The following PKNOX2 variants were observed in gnomAD, a reference collection of about 807,000 sequenced individuals.
PKNOX2 encodes PBX/knotted 1 homeobox 2, also known as homeobox protein PKNOX2.
A neutral mutation model predicts 53.1 loss-of-function variants in PKNOX2; 14 were observed. The ratio of observed to expected loss-of-function variants is 0.26; its 90% CI spans 0.17 to 0.41. The LOEUF is 0.41. Ranked by LOEUF, PKNOX2 falls within the 10% of genes least tolerant of loss-of-function variation. PKNOX2 has a pLI of 1.00. For missense variants in PKNOX2, 496 were observed against 602.8 expected, an observed-to-expected ratio of 0.82 and a Z score of 1.85; for synonymous variants, 257 against 242.8, an observed-to-expected ratio of 1.06 and a Z score of -0.54.
chr11:125,205,309 C>T (rs599943), intron 1 of PKNOX2, among the ~76,000 whole-genome samples: 72,908 of 151,736 alleles, frequency 0.48, 17,968 homozygotes, highest in African/African-American at 0.56. Context: ...GGGTGGGGAG[C>T]GGGGGAGAGC....
intron 3 of PKNOX2, among the ~76,000 whole-genome samples, chr11:125,342,351 G>A (rs1008412111): frequency 2.6e-5 from 4 of 152,050 alleles, no homozygotes; most frequent in Non-Finnish European, 2.9e-5. Context: ...TCGCCTCCAT[G>A]CCCTCCTTCC....
At chr11:125,324,484 G>C (rs1420063641) in intron 2 of PKNOX2, among the ~76,000 whole-genome samples, 1 of 152,100 alleles carries the variant, frequency 6.6e-6, no homozygotes, top group Non-Finnish European at 1.5e-5. Context: ...TTAGGCTCTG[G>C]GGAGCTCTAT....
chr11:125,369,274 C>G (rs547075191), intron 5 of PKNOX2, among the ~76,000 whole-genome samples: 2 of 152,238 alleles, frequency 1.3e-5, no homozygotes, highest in African/African-American at 4.8e-5. Context: ...CTGTGCCCTG[C>G]CCTGTGAAAC....
intron 2 of PKNOX2, among the ~76,000 whole-genome samples, chr11:125,249,057 AATAT>A (rs1348043427): frequency 9.1e-6 from 1 of 109,470 alleles, no homozygotes; most frequent in Non-Finnish European, 2.0e-5. Flanking sequence ...TATTATATAT[AATAT>A]ATATAACACA....
intron 4 of PKNOX2, among the ~76,000 whole-genome samples, chr11:125,362,632 G>A (rs1007052781): frequency 2.0e-5 from 3 of 152,128 alleles, no homozygotes; most frequent in African/African-American, 4.8e-5. Context: ...CAGCCTCCCA[G>A]AGCACTGAGA....
chr11:125,176,703 G>A (rs1368450188), intron 1 of PKNOX2, among the ~76,000 whole-genome samples: 1 of 152,220 alleles, frequency 6.6e-6, no homozygotes, highest in East Asian at 1.9e-4. Flanking sequence ...CCTTTCTGGG[G>A]AGAGAGTTGA....
intron 5 of PKNOX2, among the ~76,000 whole-genome samples, chr11:125,382,740 A>G (rs1458693021): frequency 6.6e-6 from 1 of 152,246 alleles, no homozygotes; most frequent in Admixed American, 6.5e-5. Flanking sequence ...AGATTAGACT[A>G]TAATATGCTG....
At chr11:125,301,183 C>G (rs1342782978) in intron 2 of PKNOX2, among the ~76,000 whole-genome samples, 5 of 152,140 alleles carry the variant, frequency 3.3e-5, no homozygotes, top group African/African-American at 1.2e-4. Context: ...AGATCAGATG[C>G]TGCCAATCCA....
chr11:125,381,856 C>A (rs564007077), intron 5 of PKNOX2, among the ~76,000 whole-genome samples: 98 of 152,184 alleles, frequency 6.4e-4, no homozygotes, highest in Non-Finnish European at 1.2e-3. Flanking sequence ...CCCTTAGCTC[C>A]TTGCGTGACT....
chr11:125,367,945 C>G lies in PKNOX2; in HGVS notation c.187C>G (p.Pro63Ala), dbSNP rs1269323303. 6.2e-7 allele frequency: 1 copy of G among 1,613,238 alleles called. No homozygotes were observed. The highest frequency in any genetic ancestry group is 8.5e-7 in the Non-Finnish European group (1 of 1,179,674). ...STPVPSAPID[P>A]QAQLEADKRA... ...ACCTGTGCCCAGTGCCCCCATCGAC[C>G]CCCAGGCCCAGCTGGAGGCTGACAA... Residue 63 changes from proline to alanine, a missense_variant, in exon 5 of 13, where the codon CCC (proline) becomes GCC (alanine). Transcript: ENST00000298282.
In PKNOX2 at chr11:125,431,689, G is replaced by A; in HGVS notation, c.*297G>A. 1 of 438,656 alleles carries A rather than the reference G, an allele frequency of 2.3e-6. No homozygotes were observed. Among genetic ancestry groups the A allele is most frequent in the Non-Finnish European group, 4.2e-6 (1 of 240,450 alleles). The allele number at this position is 438,656 out of a possible 1,614,324, so 27.2% of individuals were successfully genotyped here. A position where few individuals can be genotyped will look rare whatever the true frequency, so the allele number is the denominator to read the frequency against. ...GATCTGGACTCACCAAATCCCTGAG[G>A]ATAGATGGCACCCATGGCCCCCACC... On this transcript the variant is annotated 3_prime_UTR_variant, in exon 13 of 13. Transcript: ENST00000298282.
intron 1 of PKNOX2, among the ~76,000 whole-genome samples, chr11:125,232,205 A>T (rs780188309): frequency 2.6e-5 from 4 of 152,234 alleles, no homozygotes; most frequent in Non-Finnish European, 5.9e-5. Context: ...GAAGGATTGT[A>T]TTGCTTTAGT....
At chr11:125,227,209 G>T (rs1941774302) in intron 1 of PKNOX2, among the ~76,000 whole-genome samples, 1 of 152,134 alleles carries the variant, frequency 6.6e-6, no homozygotes, top group Non-Finnish European at 1.5e-5. Context: ...TCACCTGGGG[G>T]AGGGAGGGAA....
intron 2 of PKNOX2, among the ~76,000 whole-genome samples, chr11:125,314,607 G>A (rs1278275554): frequency 2.6e-5 from 4 of 152,138 alleles, no homozygotes; most frequent in South Asian, 2.1e-4. Flanking sequence ...AGCTCCCCGA[G>A]AGCCGGGCTA....
chr11:125,201,263 C>T (rs140283976), intron 1 of PKNOX2, among the ~76,000 whole-genome samples: 5 of 152,234 alleles, frequency 3.3e-5, no homozygotes, highest in East Asian at 3.9e-4. Flanking sequence ...AGGAGACATG[C>T]GGGAGCTCTG....
At position 125,294,274 on chromosome 11, in the gene PKNOX2, C is replaced by A. The variant is rs116239658; in HGVS notation, c.-129-37545C>A. On this transcript the variant is annotated intron_variant, in intron 2 of 12. Transcript: ENST00000298282. ...TCCACAAGTATTTAGGGGGTATCTC[C>A]TTTGGGACACCCAGAAGCCTGAGGT... is the stretch of plus-strand genomic sequence containing the variant. 8.1e-3 allele frequency among the ~76,000 whole-genome samples: 1,230 copies of A among 152,244 alleles called. 23 individuals are homozygous for A. The highest frequency in any genetic ancestry group is 0.028 in the African/African-American group (1,155 of 41,532).
At chr11:125,294,739 C>T (rs1947538425) in intron 2 of PKNOX2, among the ~76,000 whole-genome samples, 1 of 152,240 alleles carries the variant, frequency 6.6e-6, no homozygotes, top group South Asian at 2.1e-4. Context: ...GAAGAGTCCA[C>T]TTCTTCATCT....
At chr11:125,281,310 A>G (rs1418609198) in intron 2 of PKNOX2, among the ~76,000 whole-genome samples, 5 of 152,236 alleles carry the variant, frequency 3.3e-5, no homozygotes, top group East Asian at 3.9e-4. Flanking sequence ...TGTTCCCTCA[A>G]TGCCTTCCTG....
At chr11:125,291,085 C>T (rs1228160467) in intron 2 of PKNOX2, among the ~76,000 whole-genome samples, 1 of 152,176 alleles carries the variant, frequency 6.6e-6, no homozygotes, top group South Asian at 2.1e-4. Context: ...CTGAGCTGCC[C>T]CATTTTTCCC....
Sources: allele counts gnomAD v4.1 joint callset (sites outside exome capture counted in the v4.1 genomes callset), GRCh38; gene constraint gnomAD v4.1.1; transcripts MANE v1.5; gene names NCBI Gene and HGNC (gene_info 2026-07-23, HGNC 2026-07-21).